P3H2: variants seen among roughly 807,000 people sequenced by gnomAD.
The protein encoded by P3H2 is leprecan-like 1.
P3H2 carries 80 observed loss-of-function variants against 87.0 expected under a neutral mutation model. The ratio of observed to expected loss-of-function variants is 0.92; its 90% confidence interval spans 0.77 to 1.11. P3H2 has a LOEUF of 1.11. Among genes scored for constraint, P3H2 ranks in the 50% least tolerant of loss-of-function variants. The pLI, the probability that P3H2 is intolerant of heterozygous loss-of-function variation, is 0.00. For synonymous variants in P3H2, 367 were observed against 359.3 expected (o/e 1.02, Z -0.24); for missense variants, 1,001 against 923.9 (o/e 1.08, Z -1.08).
chr3:189,970,164 ATATC>A (rs1460492588), intron 13 of P3H2, among the ~76,000 whole-genome samples: 74 of 130,530 alleles, frequency 5.7e-4, no homozygotes, highest in African/African-American at 1.9e-3. Context: ...TCACAATCAT[ATATC>A]TCTCTATGCA....
chr3:189,975,433 AG>A (rs983430298), intron 8 of P3H2, among the ~76,000 whole-genome samples: 1 of 152,218 alleles, frequency 6.6e-6, no homozygotes, highest in African/African-American at 2.4e-5. Flanking sequence ...TTCATAGAGT[AG>A]GACTGAAGGA....
chr3:189,976,691 C>T (rs1484790857), intron 8 of P3H2, among the ~76,000 whole-genome samples: 1 of 152,142 alleles, frequency 6.6e-6, no homozygotes, highest in African/African-American at 2.4e-5. Flanking sequence ...GTTAATATGA[C>T]CATAACTGTG....
At chr3:190,075,152 G>A (rs1373776093) in intron 1 of P3H2, among the ~76,000 whole-genome samples, 1 of 152,220 alleles carries the variant, frequency 6.6e-6, no homozygotes, top group African/African-American at 2.4e-5. Flanking sequence ...GTGAAGAAAA[G>A]GCTAGGATAT....
At chr3:189,988,393 A>ATG (rs1371047457) in intron 4 of P3H2, among the ~76,000 whole-genome samples, 1 of 151,644 alleles carries the variant, frequency 6.6e-6, no homozygotes, top group East Asian at 1.9e-4. Context: ...GTGTATATAT[A>ATG]TGTGTGTGTG....
intron 1 of P3H2, among the ~76,000 whole-genome samples, chr3:190,024,628 T>C (rs988096780): frequency 4.6e-5 from 7 of 152,050 alleles, no homozygotes; most frequent in African/African-American, 1.4e-4. Flanking sequence ...TTCATATGCA[T>C]TGATGGGGCT....
chr3:190,052,254 C>T (rs866434988), intron 1 of P3H2, among the ~76,000 whole-genome samples: 7 of 152,084 alleles, frequency 4.6e-5, no homozygotes, highest in Admixed American at 3.9e-4. Context: ...CCCTCACCCC[C>T]CGACAAGCCC....
At position 190,082,023 on chromosome 3, in the gene P3H2, G is replaced by A. The variant is rs533222813; in HGVS notation, c.480+38229C>T. Among the ~76,000 whole-genome samples the A allele has an allele frequency of 2.6e-5, 4 of 152,286 alleles. 1 individual carries two copies. Among genetic ancestry groups the A allele is most frequent in the African/African-American group, 7.2e-5 (3 of 41,558 alleles). On this transcript the variant is annotated intron_variant, in intron 1 of 14. Coordinates refer to ENST00000319332, the MANE Select transcript of P3H2 (RefSeq NM_018192.4). ...AATCCTAGCACTTTAGGAGGCCAAA[G>A]TGGGCAGATCACTTGAGATCAGGAG...
At chr3:189,985,697 T>G (rs1723674893) in intron 6 of P3H2, among the ~76,000 whole-genome samples, 1 of 151,432 alleles carries the variant, frequency 6.6e-6, no homozygotes, top group Admixed American at 6.6e-5. Flanking sequence ...CTTATATCCT[T>G]TGATGACAGA....
At chr3:189,977,369 T>C (rs1723383570) in intron 8 of P3H2, among the ~76,000 whole-genome samples, 1 of 152,056 alleles carries the variant, frequency 6.6e-6, no homozygotes, top group Non-Finnish European at 1.5e-5. Context: ...ATAGAGGGCG[T>C]CCTCCAGCCA....
intron 1 of P3H2, among the ~76,000 whole-genome samples, chr3:190,088,665 C>T (rs1727307208): frequency 6.6e-6 from 1 of 151,956 alleles, no homozygotes; most frequent in Non-Finnish European, 1.5e-5. Flanking sequence ...GTTTTTCTTC[C>T]CAGAATAATA....
chr3:190,037,826 A>G lies in P3H2; in HGVS notation c.481-42384T>C, dbSNP rs1203438097. On this transcript the variant is annotated intron_variant, in intron 1 of 14. Coordinates refer to ENST00000319332, the MANE Select transcript of P3H2 (RefSeq NM_018192.4). ...TTAAGCAAAATAATAGTTTCTTTAA[A>G]ATGAGACAACAGAATATTTCTATTG... 3.9e-5 allele frequency among the ~76,000 whole-genome samples: 6 copies of G among 152,240 alleles called. No individual in the cohort carries two copies. In the East Asian group the frequency reaches 9.6e-4, roughly 24 times the overall value.
intron 1 of P3H2, among the ~76,000 whole-genome samples, chr3:190,104,483 T>C (rs1711755241): frequency 6.6e-6 from 1 of 152,180 alleles, no homozygotes; most frequent in Admixed American, 6.5e-5. Flanking sequence ...ATATTTAATA[T>C]TTTAATACCC....
intron 9 of P3H2, among the ~76,000 whole-genome samples, 185 bp downstream of exon 9, chr3:189,974,373 G>A (rs926112331): frequency 2.6e-5 from 4 of 152,042 alleles, no homozygotes; most frequent in African/African-American, 7.2e-5. Context: ...GATCCCACCC[G>A]GGAAAACTAA....
intron 1 of P3H2, among the ~76,000 whole-genome samples, chr3:190,089,952 G>C (rs1287446729): frequency 6.6e-6 from 1 of 152,106 alleles, no homozygotes; most frequent in Admixed American, 6.5e-5. Flanking sequence ...TGTTGGGGAG[G>C]CTTCCTGGGT....
intron 1 of P3H2, among the ~76,000 whole-genome samples, chr3:190,048,421 C>T (rs1259302577): frequency 2.6e-5 from 4 of 151,592 alleles, no homozygotes; most frequent in Admixed American, 6.6e-5. Context: ...CGCTTGAACC[C>T]GGGAGGTGGA....
intron 1 of P3H2, among the ~76,000 whole-genome samples, chr3:190,095,686 C>T (rs1253793507): frequency 6.6e-6 from 1 of 151,048 alleles, no homozygotes; most frequent in African/African-American, 2.4e-5. Flanking sequence ...CTGCAAGCTC[C>T]GCCTCCCGGG....
At chr3:190,113,099 A>G (rs559435992) in intron 1 of P3H2, among the ~76,000 whole-genome samples, 1 of 152,338 alleles carries the variant, frequency 6.6e-6, no homozygotes, top group East Asian at 1.9e-4. Context: ...TCTGAAGGCA[A>G]TGGGTTTACT....
rs147173283 is a variant in P3H2, at chr3:189,990,824, A to G, written c.824-1786T>C. Reference sequence around the variant, plus strand: ...ACATTGTGCAATTAATATGTTTTTAATAAGTTTGAGTCTTAAAAATTAAAG... The same window carrying G: ...ACATTGTGCAATTAATATGTTTTTAGTAAGTTTGAGTCTTAAAAATTAAAG... On this transcript the variant is annotated intron_variant, in intron 3 of 14. Transcript: ENST00000319332. 1.5e-3 allele frequency among the ~76,000 whole-genome samples: 222 copies of G among 152,326 alleles called. 1 individual carries two copies. Among genetic ancestry groups the G allele is most frequent in the African/African-American group, 5.0e-3 (207 of 41,572 alleles).
intron 1 of P3H2, among the ~76,000 whole-genome samples, chr3:190,061,707 GGTGCCAGATACCATGTACTGTCCTA>G (rs1318472109): frequency 6.6e-6 from 1 of 152,088 alleles, no homozygotes; most frequent in Admixed American, 6.6e-5. Context: ...CAGGCAAACT[GGTGCCAGATACCATGTACTGTCCTA>G]AGAAGTCTTT....
Sources: allele counts gnomAD v4.1 joint callset (sites outside exome capture counted in the v4.1 genomes callset), GRCh38; gene constraint gnomAD v4.1.1; transcripts MANE v1.5; gene names NCBI Gene and HGNC (gene_info 2026-07-23, HGNC 2026-07-21).